Variants in PCDHA8 observed in about 807,000 individuals in gnomAD.
PCDHA8 encodes the protein protocadherin alpha-8.
In PCDHA8, 53 loss-of-function variants were observed where a neutral mutation model predicts 61.8. That is an observed-to-expected ratio of 0.86 (90% CI 0.69 to 1.08). PCDHA8 has a LOEUF of 1.08. PCDHA8 is among the 50% of genes least tolerant of loss of function. The probability of loss-of-function intolerance (pLI) is 0.00; values close to 1 mark genes in which losing one functional copy is unlikely to be tolerated. For synonymous variants in PCDHA8, 618 were observed against 556.6 expected (o/e 1.11, Z -1.55); for missense variants, 1,293 against 1,245.0 (o/e 1.04, Z -0.58).
At chr5:140,967,406 G>A in intron 1 of PCDHA8, 1 of 1,613,006 alleles carries the variant, frequency 6.2e-7, no homozygotes, top group Non-Finnish European at 8.5e-7. Flanking sequence ...GCTGCGTAAG[G>A]GCCTAGACCG....
chr5:140,976,395 T>G (rs973484895), intron 1 of PCDHA8, among the ~76,000 whole-genome samples: 1 of 151,734 alleles, frequency 6.6e-6, no homozygotes, highest in Middle Eastern at 3.4e-3. Flanking sequence ...TACTAAAAAT[T>G]CAAAAATTAG....
intron 1 of PCDHA8, chr5:140,926,980 A>C: frequency 3.1e-6 from 5 of 1,610,364 alleles, no homozygotes; most frequent in Non-Finnish European, 4.2e-6. Flanking sequence ...GCCGGAGGAG[A>C]CGGAGCGGGG....
chr5:140,919,613 A>G (rs993064588), intron 1 of PCDHA8, among the ~76,000 whole-genome samples: 1 of 152,270 alleles, frequency 6.6e-6, no homozygotes, highest in South Asian at 2.1e-4. Context: ...TTTAAACTGT[A>G]TCTTTTGAGT....
intron 1 of PCDHA8, chr5:140,927,642 T>A: frequency 6.2e-7 from 1 of 1,614,156 alleles, no homozygotes; most frequent in Non-Finnish European, 8.5e-7. Flanking sequence ...CCAATGGGAC[T>A]GTGTTATTCC....
At chr5:140,859,436 A>C (rs868952272) in intron 1 of PCDHA8, 6 of 225,632 alleles carry the variant, frequency 2.7e-5, no homozygotes, top group African/African-American at 1.2e-4. Flanking sequence ...AATGAAAGCT[A>C]ACTTAGTTGC....
Position 140,841,763 on chromosome 5 carries a change from C to G in PCDHA8, c.442C>G (p.Pro148Ala). The change falls in exon 1 of 4, where the codon CCA becomes GCA. Residue 148 changes from proline to alanine, a missense_variant. Physicochemically the swap from Pro to Ala is conservative, Grantham distance 27. Coordinates refer to ENST00000531613, the MANE Select transcript of PCDHA8 (RefSeq NM_018911.3). ...QKLFVSESRM[P>A]DSRFPLEGAS... ...GCTGTTTGTTTCAGAATCCAGAATG[C>G]CAGACTCTCGGTTTCCGCTAGAGGG... 1 of 1,613,884 alleles carries G rather than the reference C, an allele frequency of 6.2e-7. No homozygotes were observed. Among genetic ancestry groups the G allele is most frequent in the South Asian group, 1.1e-5 (1 of 91,080 alleles).
At chr5:140,976,832 A>G (rs246001) in intron 1 of PCDHA8, among the ~76,000 whole-genome samples, 14,161 of 152,268 alleles carry the variant, frequency 0.093, 806 homozygotes, top group Middle Eastern at 0.22. Context: ...AATGAGCAAA[A>G]CAGATATAAT....
intron 1 of PCDHA8, among the ~76,000 whole-genome samples, chr5:140,944,593 TG>T: frequency 6.6e-6 from 1 of 152,318 alleles, no homozygotes; most frequent in South Asian, 2.1e-4. Flanking sequence ...AGAATTTCCC[TG>T]GGTAGAGTAG....
Position 140,843,675 on chromosome 5 carries a change from T to A in PCDHA8, c.2354T>A (p.Val785Glu). 6.3e-7 allele frequency: 1 copy of A among 1,591,382 alleles called. No individual in the cohort carries two copies. Among genetic ancestry groups the A allele is most frequent in the South Asian group, 1.1e-5 (1 of 90,404 alleles). Reference protein sequence around the residue: ...CLPPDLGSVDVGEEQDLNVDH... With the variant: ...CLPPDLGSVDEGEEQDLNVDH... ...CCTCCTGATCTGGGATCAGTTGATG[T>A]AGGCGAAGAGCAAGATTTAAATGTT... The change falls in exon 1 of 4, where the codon GTA becomes GAA. Residue 785 changes from valine to glutamate, a missense_variant. Transcript: ENST00000531613.
chr5:140,842,286 C>T lies in PCDHA8; in HGVS notation c.965C>T (p.Ala322Val), dbSNP rs1554138940. 21 of 1,610,290 alleles carry T rather than the reference C, an allele frequency of 1.3e-5. 1 individual carries two copies. The highest frequency in any genetic ancestry group is 1.5e-5 in the Non-Finnish European group (18 of 1,176,908). Residue 322 changes from alanine to valine, a missense_variant, in exon 1 of 4, where the codon GCC becomes GTC. Transcript: ENST00000531613. ...AACTTATACAAAATCCTCATTGACG[C>T]CACGGACAAAGGCCATCCTCCCATG... ...QENLYKILIDATDKGHPPMAG... is the reference protein window; with the variant it reads ...QENLYKILIDVTDKGHPPMAG...
chr5:141,002,494 C>CGGT (rs2098083464), intron 3 of PCDHA8, among the ~76,000 whole-genome samples: 1 of 152,228 alleles, frequency 6.6e-6, no homozygotes, highest in Admixed American at 6.5e-5. Flanking sequence ...CCTTGTTATA[C>CGGT]AGCTCAGGAT....
At chr5:141,004,679 TG>T in intron 3 of PCDHA8, among the ~76,000 whole-genome samples, 1 of 152,160 alleles carries the variant, frequency 6.6e-6, no homozygotes, top group South Asian at 2.1e-4. Context: ...GACTGTGGAG[TG>T]GTGCTGAAAC....
At position 140,927,570 on chromosome 5, in the gene PCDHA8, A is replaced by G. The variant is rs568227710; in HGVS notation, c.2395-51379A>G. 5.0e-5 allele frequency: 80 copies of G among 1,614,066 alleles called. 1 individual carries two copies. Among genetic ancestry groups the G allele is most frequent in the Middle Eastern group, 4.9e-4 (3 of 6,084 alleles). On this transcript the variant is annotated intron_variant, in intron 1 of 3. Transcript: ENST00000531613. ...AAGTCACCATCATTGTGGTGGACAC[A>G]AATGACAACGCGCCTGTATTTGAGC...
rs782293908 is a variant in PCDHA8, at chr5:140,870,195, C to A, written c.2394+26480C>A. 3.1e-6 allele frequency: 5 copies of A among 1,614,178 alleles called. No individual in the cohort carries two copies. In the South Asian group the frequency reaches 5.5e-5, roughly 18 times the overall value. On this transcript the variant is annotated intron_variant, in intron 1 of 3. Transcript: ENST00000531613. ...TCCCAGTACGAGAGGACGCTCAGCC[C>A]AGCACGGTCATTGCCCTGATCAGCG...
At chr5:140,869,359 G>A in intron 1 of PCDHA8, 1 of 1,614,110 alleles carries the variant, frequency 6.2e-7, no homozygotes, top group Non-Finnish European at 8.5e-7. Context: ...CATTTTGTTT[G>A]TGAATTCTCG....
At chr5:140,885,174 A>G (rs568198348) in intron 1 of PCDHA8, among the ~76,000 whole-genome samples, 11 of 152,108 alleles carry the variant, frequency 7.2e-5, no homozygotes, top group African/African-American at 2.6e-4. Context: ...TTTGTCCTCT[A>G]GGCACATCAG....
chr5:140,875,556 C>A (rs781896642), intron 1 of PCDHA8: 2 of 1,614,010 alleles, frequency 1.2e-6, no homozygotes, highest in Non-Finnish European at 1.7e-6. Context: ...AGGTGGGGAG[C>A]GGCCAGCTCC....
intron 3 of PCDHA8, among the ~76,000 whole-genome samples, chr5:140,990,514 T>C (rs1437267512): frequency 1.3e-5 from 2 of 152,204 alleles, no homozygotes; most frequent in Non-Finnish European, 1.5e-5. Context: ...TCTTCTCTCT[T>C]GTCTTTTTTG....
intron 1 of PCDHA8, chr5:140,850,131 G>A (rs2150469102): frequency 2.5e-6 from 4 of 1,595,702 alleles, no homozygotes; most frequent in Admixed American, 1.7e-5. Context: ...GCCGCCTCTG[G>A]GCAGCAACGT....
Sources: gnomAD v4.1 joint callset for allele counts (sites outside exome capture counted in the v4.1 genomes callset) on GRCh38, gnomAD v4.1.1 for gene constraint, MANE v1.5 for transcripts, NCBI Gene and HGNC (gene_info 2026-07-23, HGNC 2026-07-21) for gene names.